SLC14A2: variants seen among roughly 807,000 people sequenced by gnomAD.
The protein encoded by SLC14A2 is urea transporter 2.
In SLC14A2, 91 loss-of-function variants were observed where a neutral mutation model predicts 104.6. The ratio of observed to expected loss-of-function variants is 0.87; its 90% CI spans 0.73 to 1.04. The LOEUF is 1.04. Among genes scored for constraint, SLC14A2 ranks in the 50% least tolerant of loss-of-function variants. The probability of loss-of-function intolerance (pLI) is 0.00; values close to 1 mark genes in which losing one functional copy is unlikely to be tolerated. For missense variants in SLC14A2, 1,189 were observed against 1,156.0 expected (o/e 1.03, Z -0.41); for synonymous variants, 476 against 466.4 (o/e 1.02, Z -0.27).
At chr18:45,172,596 AG>A in the SLC14A2 span, among the ~76,000 whole-genome samples, 1 of 152,124 alleles carries the variant, frequency 6.6e-6, no homozygotes, top group African/African-American at 2.4e-5. Flanking sequence ...CCTCATTAAA[AG>A]CTATAGCTGA....
the SLC14A2 span, among the ~76,000 whole-genome samples, chr18:45,187,280 A>G: frequency 6.6e-6 from 1 of 152,130 alleles, no homozygotes; most frequent in East Asian, 1.9e-4. Context: ...AGACAACCTC[A>G]AAAGTTTAGA....
chr18:45,642,804 C>G (rs1350858682), intron 8 of SLC14A2, among the ~76,000 whole-genome samples: 1 of 152,260 alleles, frequency 6.6e-6, no homozygotes, highest in Non-Finnish European at 1.5e-5. Flanking sequence ...TAGCTCTTCG[C>G]TACCATCAGC....
At chr18:45,447,055 A>T (rs569255354) in intron 1 of SLC14A2, among the ~76,000 whole-genome samples, 1 of 151,758 alleles carries the variant, frequency 6.6e-6, no homozygotes, top group East Asian at 1.9e-4. Context: ...CTAGTTTGGG[A>T]TGTTGGGAGG....
chr18:45,643,928 C>T (rs2045575651), intron 9 of SLC14A2, 58 bp from the exon 10 acceptor site: 3 of 1,511,246 alleles, frequency 2.0e-6, no homozygotes, highest in Non-Finnish European at 1.8e-6. Context: ...CCCCAGAGTC[C>T]CCAGCCCAAC....
At chr18:45,322,208 C>G (rs554861713) in intron 1 of SLC14A2, among the ~76,000 whole-genome samples, 1 of 152,296 alleles carries the variant, frequency 6.6e-6, no homozygotes, top group East Asian at 1.9e-4. Flanking sequence ...TGTCACATCT[C>G]ACATTTGTAG....
chr18:45,409,581 G>A (rs762816956), intron 1 of SLC14A2, among the ~76,000 whole-genome samples: 2 of 152,132 alleles, frequency 1.3e-5, no homozygotes, highest in Non-Finnish European at 2.9e-5. Context: ...TTCACAAGAC[G>A]ACATTTCCCC....
At chr18:45,429,367 A>G (rs962291912) in intron 1 of SLC14A2, among the ~76,000 whole-genome samples, 1 of 152,240 alleles carries the variant, frequency 6.6e-6, no homozygotes, top group East Asian at 1.9e-4. Context: ...ATGGCTAAGC[A>G]GAGGAAGTTG....
At chr18:45,388,113 G>GT (rs1248493727) in intron 1 of SLC14A2, among the ~76,000 whole-genome samples, 1 of 124,990 alleles carries the variant, frequency 8.0e-6, no homozygotes, top group African/African-American at 3.2e-5. Flanking sequence ...GTCTCACTGT[G>GT]TGCCCAGGCT....
At chr18:45,369,821 A>T (rs947481104) in intron 1 of SLC14A2, among the ~76,000 whole-genome samples, 12 of 152,236 alleles carry the variant, frequency 7.9e-5, no homozygotes, top group Admixed American at 6.5e-5. Context: ...GTGAGATTAC[A>T]GTCAAATACA....
chr18:45,539,077 T>TA (rs1221170890), intron 2 of SLC14A2, among the ~76,000 whole-genome samples: 1 of 150,856 alleles, frequency 6.6e-6, no homozygotes, highest in African/African-American at 2.4e-5. Context: ...AGCAGTCAAG[T>TA]AAAAAAATAA....
intron 1 of SLC14A2, among the ~76,000 whole-genome samples, chr18:45,454,831 T>C (rs1466932162): frequency 6.6e-6 from 1 of 152,236 alleles, no homozygotes; most frequent in Non-Finnish European, 1.5e-5. Context: ...TGGCGTTATT[T>C]CTGAGGCCTC....
At chr18:45,410,677 C>T (rs2086205523) in intron 1 of SLC14A2, among the ~76,000 whole-genome samples, 1 of 152,112 alleles carries the variant, frequency 6.6e-6, no homozygotes. Context: ...TTAGCCTACT[C>T]CCTAAAATGT....
At chr18:45,459,491 C>A (rs550391079) in intron 1 of SLC14A2, among the ~76,000 whole-genome samples, 28 of 152,352 alleles carry the variant, frequency 1.8e-4, no homozygotes, top group African/African-American at 6.3e-4. Flanking sequence ...TGTGTCTTCT[C>A]TGCCTCAAAG....
rs1283648785 is a variant in SLC14A2 at position 45,667,019 on chromosome 18, G to T, written c.1642G>T (p.Ala548Ser). The T allele has an allele frequency of 6.2e-7, 1 of 1,613,848 alleles. No individual in the cohort carries two copies. The highest frequency in any genetic ancestry group is 1.1e-5 in the South Asian group (1 of 91,074). ...ATCCTGGATTCGGAGTTCCATGGCT[G>T]CCAGTGGGAAAAGGGTCAGCAAAGC... ...KTSWIRSSMA[A>S]SGKRVSKALS... The change falls in exon 13 of 20, where the codon GCC becomes TCC. Residue 548 changes from alanine to serine, a missense_variant. Physicochemically the swap from Ala to Ser is moderately conservative, Grantham distance 99. Coordinates refer to ENST00000255226, the MANE Select transcript of SLC14A2 (RefSeq NM_007163.4).
chr18:45,479,576 T>C (rs893666138), intron 1 of SLC14A2, among the ~76,000 whole-genome samples: 1 of 152,188 alleles, frequency 6.6e-6, no homozygotes, highest in Non-Finnish European at 1.5e-5. Context: ...CAAGTTAGAG[T>C]ACCTAGCACA....
At chr18:45,550,600 C>T (rs188370309) in intron 2 of SLC14A2, among the ~76,000 whole-genome samples, 1 of 150,436 alleles carries the variant, frequency 6.6e-6, no homozygotes, top group East Asian at 1.9e-4. Flanking sequence ...ACCATTACCA[C>T]CTTCATTTTA....
intron 2 of SLC14A2, among the ~76,000 whole-genome samples, chr18:45,532,030 T>C (rs1357440654): frequency 1.3e-5 from 2 of 152,236 alleles, no homozygotes; most frequent in African/African-American, 2.4e-5. Context: ...GCATTATTTC[T>C]GAGGTCTCTG....
At chr18:45,380,690 G>T (rs191259663) in intron 1 of SLC14A2, among the ~76,000 whole-genome samples, 3 of 152,190 alleles carry the variant, frequency 2.0e-5, no homozygotes, top group Non-Finnish European at 4.4e-5. Flanking sequence ...GTCTCATTTT[G>T]TCTTGGTCTC....
chr18:45,197,813 TACTC>T, the SLC14A2 span, among the ~76,000 whole-genome samples: 1 of 152,228 alleles, frequency 6.6e-6, no homozygotes, highest in Non-Finnish European at 1.5e-5. Context: ...TATTCAGAGC[TACTC>T]ACTTAAAGAT....
Sources: gnomAD v4.1 joint callset for allele counts (sites outside exome capture counted in the v4.1 genomes callset) on GRCh38, gnomAD v4.1.1 for gene constraint, MANE v1.5 for transcripts, NCBI Gene and HGNC (gene_info 2026-07-23, HGNC 2026-07-21) for gene names.